The following ACSL1 variants were observed in gnomAD, a reference collection of about 807,000 sequenced individuals.
The protein encoded by ACSL1 is acyl-CoA synthetase long chain family member 1.
In ACSL1, 41 loss-of-function variants were observed where a neutral mutation model predicts 98.4. The observed-to-expected ratio is 0.42, with a 90% confidence interval of 0.32 to 0.54. ACSL1 has a LOEUF of 0.54. ACSL1 is among the 20% of genes least tolerant of loss of function. The pLI is 0.13. For synonymous variants in ACSL1, 316 were observed against 322.7 expected (o/e 0.98, Z 0.22); for missense variants, 734 against 883.1 (o/e 0.83, Z 2.14).
chr4:184,764,730 C>T (rs1473612532), intron 15 of ACSL1, 123 bp downstream of exon 15: 33 of 876,198 alleles, frequency 3.8e-5, no homozygotes, highest in Non-Finnish European at 5.3e-5. Flanking sequence ...GCCTAATGAT[C>T]AGAAACATAG....
Position 184,825,059 on chromosome 4 carries a change from TAGCC to T in ACSL1, c.-33+853_-33+856del, listed in dbSNP as rs1386678826. On this transcript the variant is annotated intron_variant, in intron 1 of 20. Coordinates refer to ENST00000281455, the MANE Select transcript of ACSL1 (RefSeq NM_001995.5). This position sits in a 1 kb window ranked among gnomAD's most constrained non-coding sequence, Gnocchi z 4.7. ...CCTGCACCAAGAAGCTTAAAAGTCT[TAGCC>T]AGGGCACTAGAGAACGCTTTTAGAA... 1.1e-5 allele frequency: 5 copies of T among 471,150 alleles called. No homozygotes were observed. The highest frequency in any genetic ancestry group is 1.1e-4 in the African/African-American group (5 of 47,312). The allele number at this position is 471,150 out of a possible 1,614,324, so 29.2% of individuals were successfully genotyped here.
At chr4:184,768,805 T>TA (rs754891963) in intron 11 of ACSL1, among the ~76,000 whole-genome samples, 1 of 152,088 alleles carries the variant, frequency 6.6e-6, no homozygotes, top group Non-Finnish European at 1.5e-5. Context: ...CGCGGTGGCT[T>TA]ACACCTATAA....
intron 1 of ACSL1, among the ~76,000 whole-genome samples, chr4:184,817,322 A>G (rs1022615694): frequency 1.3e-5 from 2 of 152,222 alleles, no homozygotes; most frequent in Non-Finnish European, 2.9e-5. Flanking sequence ...CCCTCACATT[A>G]AATGCTTTTA....
intron 5 of ACSL1, among the ~76,000 whole-genome samples, chr4:184,779,428 T>C (rs1765861592): frequency 6.6e-6 from 1 of 152,226 alleles, no homozygotes; most frequent in Non-Finnish European, 1.5e-5. Flanking sequence ...AACCTCTTTT[T>C]GTTCCCAGTC....
chr4:184,796,385 T>C (rs773574586), intron 2 of ACSL1, among the ~76,000 whole-genome samples: 1 of 152,190 alleles, frequency 6.6e-6, no homozygotes, highest in Admixed American at 6.5e-5. Context: ...CCCTGACTAA[T>C]ACACCACCCC....
intron 18 of ACSL1, among the ~76,000 whole-genome samples, chr4:184,760,078 T>C (rs1325574244): frequency 2.0e-5 from 3 of 152,200 alleles, no homozygotes; most frequent in African/African-American, 7.2e-5. Flanking sequence ...GAAACATATA[T>C]TACCCATGCC....
At chr4:184,760,838 T>C (rs1261509689) in intron 17 of ACSL1, among the ~76,000 whole-genome samples, 1 of 152,234 alleles carries the variant, frequency 6.6e-6, no homozygotes, top group Non-Finnish European at 1.5e-5. Context: ...CGCATACACA[T>C]CTGGCTCACC....
chr4:184,765,425 T>C (rs1254004546), intron 14 of ACSL1, among the ~76,000 whole-genome samples: 1 of 152,290 alleles, frequency 6.6e-6, no homozygotes, highest in East Asian at 1.9e-4. Flanking sequence ...AATATACATA[T>C]GGTTGCTTCT....
chr4:184,820,624 A>C (rs1772993278), intron 1 of ACSL1, among the ~76,000 whole-genome samples: 1 of 151,632 alleles, frequency 6.6e-6, no homozygotes, highest in Non-Finnish European at 1.5e-5. Flanking sequence ...TTTCTTTTGG[A>C]GACAGAGTCT....
chr4:184,763,358 G>T, intron 15 of ACSL1, 103 bp from the exon 16 acceptor site: 2 of 1,043,910 alleles, frequency 1.9e-6, no homozygotes, highest in African/African-American at 1.6e-5. Context: ...AAAAACGGCT[G>T]GGATAAACTT....
chr4:184,776,005 A>C (rs1177106432), intron 7 of ACSL1, among the ~76,000 whole-genome samples: 1 of 152,236 alleles, frequency 6.6e-6, no homozygotes, highest in Non-Finnish European at 1.5e-5. Context: ...ATGACTCTTA[A>C]GAGTCAATAT....
intron 2 of ACSL1, among the ~76,000 whole-genome samples, chr4:184,795,251 C>A (rs1020585555): frequency 3.9e-5 from 6 of 152,196 alleles, no homozygotes; most frequent in Non-Finnish European, 8.8e-5. Context: ...AGAAACACAG[C>A]CTACGCTGGT....
chr4:184,782,328 C>T (rs1422383619), intron 4 of ACSL1, among the ~76,000 whole-genome samples: 3 of 146,924 alleles, frequency 2.0e-5, no homozygotes, highest in Admixed American at 1.4e-4. Flanking sequence ...CATTGGATGA[C>T]TGAAAAAAAA....
At chr4:184,770,267 T>C in intron 11 of ACSL1, 132 bp downstream of exon 11, 2 of 1,544,124 alleles carry the variant, frequency 1.3e-6, no homozygotes, top group Non-Finnish European at 1.7e-6. Flanking sequence ...TCAATAACTG[T>C]TCATAAATGT....
intron 10 of ACSL1, among the ~76,000 whole-genome samples, chr4:184,771,630 T>G (rs1340082824): frequency 6.6e-6 from 1 of 152,170 alleles, no homozygotes; most frequent in Non-Finnish European, 1.5e-5. Context: ...GTATAGAATA[T>G]TCATGTTATT....
chr4:184,820,691 G>A (rs542585689), intron 1 of ACSL1, among the ~76,000 whole-genome samples: 1 of 152,142 alleles, frequency 6.6e-6, no homozygotes, highest in African/African-American at 2.4e-5. Flanking sequence ...TGCAGCCTCC[G>A]CCTCCTGGGT....
chr4:184,788,767 G>A (rs1202998144), intron 2 of ACSL1, 36 bp from the exon 3 acceptor site: 1 of 1,541,340 alleles, frequency 6.5e-7, no homozygotes, highest in Non-Finnish European at 9.0e-7. Flanking sequence ...TTAGAAGGCA[G>A]TGAAACATCT....
At chr4:184,762,250 A>G (rs1396799957) in intron 17 of ACSL1, among the ~76,000 whole-genome samples, 157 bp downstream of exon 17, 1 of 152,216 alleles carries the variant, frequency 6.6e-6, no homozygotes, top group Non-Finnish European at 1.5e-5. Flanking sequence ...TGTCCCCTGC[A>G]GGAAATGGAA....
chr4:184,812,475 C>T (rs1194240325), intron 1 of ACSL1, among the ~76,000 whole-genome samples: 1 of 152,178 alleles, frequency 6.6e-6, no homozygotes, highest in African/African-American at 2.4e-5. Flanking sequence ...TCCTACACCG[C>T]ACACCAGAAA....
Sources: gnomAD v4.1 joint callset for allele counts (sites outside exome capture counted in the v4.1 genomes callset) on GRCh38, gnomAD v4.1.1 for gene constraint, Gnocchi (gnomAD v3.1) non-coding constraint, MANE v1.5 for transcripts, NCBI Gene and HGNC (gene_info 2026-07-23, HGNC 2026-07-21) for gene names.